TYW1B: variants seen among roughly 807,000 people sequenced by gnomAD.
TYW1B encodes tRNA-yW synthesizing protein 1 homolog B.
TYW1B carries 73 observed loss-of-function variants against 86.9 expected under a neutral mutation model. That is an observed-to-expected ratio of 0.84 (90% confidence interval 0.70 to 1.02). The LOEUF (loss-of-function observed/expected upper bound fraction) is 1.02. Ranked by LOEUF, TYW1B falls within the 50% of genes least tolerant of loss-of-function variation. TYW1B has a pLI of 0.00. For missense variants in TYW1B, 637 were observed against 827.4 expected, an observed-to-expected ratio of 0.77 and a Z score of 2.82; for synonymous variants, 248 against 292.8, an observed-to-expected ratio of 0.85 and a Z score of 1.56.
At chr7:72,827,961 AAC>A in intron 1 of TYW1B, 109 bp downstream of exon 1, 10 of 1,566,428 alleles carry the variant, frequency 6.4e-6, no homozygotes, top group Non-Finnish European at 8.7e-6. Flanking sequence ...TGTCAAGTGC[AAC>A]AGTCTCCGAA....
rs193265780 is a variant in TYW1B, at chr7:72,749,871, G to A, written c.965-5270C>T. 7.4e-3 allele frequency among the ~76,000 whole-genome samples: 1,019 copies of A among 138,562 alleles called. 16 individuals are homozygous for A. The highest frequency in any genetic ancestry group is 0.026 in the African/African-American group (990 of 37,910). The allele number at this position is 138,562 out of a possible 152,430, so 90.9% of individuals were successfully genotyped here. On this transcript the variant is annotated intron_variant, in intron 7 of 13. Coordinates refer to ENST00000620995, the MANE Select transcript of TYW1B (RefSeq NM_001145440.3). ...TGCTTGAGCTGCATCCTACAGATACGTTTAATTCTCATTTTCATTAATTCT... is the reference window on the plus strand; with the variant it reads ...TGCTTGAGCTGCATCCTACAGATACATTTAATTCTCATTTTCATTAATTCT...
chr7:72,787,663 C>T (rs1356185901), intron 6 of TYW1B, among the ~76,000 whole-genome samples: 6 of 151,570 alleles, frequency 4.0e-5, no homozygotes, highest in Non-Finnish European at 5.9e-5. Context: ...CCCAGCTACT[C>T]GGGAGGCTGA....
Position 72,828,080 on chromosome 7 carries a change from C to T in TYW1B, c.-5G>A. The stretch of plus-strand genomic sequence containing the variant: ...CCGCCGAGTGCCCTTACCCATCCTC[C>T]TCAGAGCCGACAGGAGACTAGGATC... On this transcript the variant is annotated 5_prime_UTR_variant, in exon 1 of 14. Coordinates refer to ENST00000620995, the MANE Select transcript of TYW1B (RefSeq NM_001145440.3). 6.2e-7 allele frequency: 1 copy of T among 1,613,992 alleles called. No individual in the cohort carries two copies. The highest frequency in any genetic ancestry group is 8.5e-7 in the Non-Finnish European group (1 of 1,179,932).
At chr7:72,731,360 C>T (rs1483926052) in intron 8 of TYW1B, among the ~76,000 whole-genome samples, 9 of 61,298 alleles carry the variant, frequency 1.5e-4, no homozygotes, top group African/African-American at 5.1e-4. Context: ...AAAAAGTATT[C>T]AAATGTTACC....
At chr7:72,710,471 C>T (rs1178752415) in intron 10 of TYW1B, among the ~76,000 whole-genome samples, 1 of 152,188 alleles carries the variant, frequency 6.6e-6, no homozygotes, top group Non-Finnish European at 1.5e-5. Context: ...TGACAATACA[C>T]TGATTTTCAT....
intron 13 of TYW1B, among the ~76,000 whole-genome samples, chr7:72,610,205 G>A (rs1554435674): frequency 6.6e-6 from 1 of 152,046 alleles, no homozygotes; most frequent in Admixed American, 6.6e-5. Context: ...TCCACGTTAG[G>A]GTATATCTGG....
rs186642537 is a variant in TYW1B at position 72,684,987 on chromosome 7, C to T, written c.1506+9700G>A. On this transcript the variant is annotated intron_variant, in intron 11 of 13. Coordinates refer to ENST00000620995, the MANE Select transcript of TYW1B (RefSeq NM_001145440.3). ...ATTAGCCAAGTGTAATGGCGAGTGCCTGTAATCCCTGCTACTTGGGAGGCT... is the reference window on the plus strand; with the variant it reads ...ATTAGCCAAGTGTAATGGCGAGTGCTTGTAATCCCTGCTACTTGGGAGGCT... Among the ~76,000 whole-genome samples the T allele has an allele frequency of 7.6e-4, 116 of 152,032 alleles. 1 individual carries two copies. The highest frequency in any genetic ancestry group is 2.5e-3 in the African/African-American group (105 of 41,476).
intron 13 of TYW1B, among the ~76,000 whole-genome samples, chr7:72,614,177 A>G (rs1188265867): frequency 3.9e-5 from 6 of 152,166 alleles, no homozygotes; most frequent in African/African-American, 1.4e-4. Context: ...ATTTGAAATA[A>G]TTTCCAAATT....
In TYW1B at chr7:72,713,483, T is replaced by C. The variant is rs1585923003; in HGVS notation, c.1370+138A>G. ...GAACAGATTTTGAAGAGCAGGACCA[T>C]CTTCACCTCCCAAAGCCCAACATTT... On this transcript the variant is annotated intron_variant, in intron 10 of 13. Transcript: ENST00000620995. 38 of 852,932 alleles carry C rather than the reference T, an allele frequency of 4.5e-5. No homozygotes were observed. The East Asian group carries it at 1.0e-3, about 23-fold the overall frequency. The allele number at this position is 852,932 out of a possible 1,614,324, so 52.8% of individuals were successfully genotyped here. A position where few individuals can be genotyped will look rare whatever the true frequency, so the allele number is the denominator to read the frequency against.
chr7:72,756,536 A>G (rs1787592954), intron 7 of TYW1B, among the ~76,000 whole-genome samples: 1 of 152,036 alleles, frequency 6.6e-6, no homozygotes, highest in South Asian at 2.1e-4. Flanking sequence ...CACCCGGCCT[A>G]GTACCGTCAG....
chr7:72,820,424 G>C (rs1361239828), intron 2 of TYW1B, among the ~76,000 whole-genome samples: 2 of 152,206 alleles, frequency 1.3e-5, no homozygotes, highest in Admixed American at 6.5e-5. Flanking sequence ...CCTTAAGGAA[G>C]TGCTAACTAT....
chr7:72,745,888 GTA>G (rs1787386601), intron 7 of TYW1B, among the ~76,000 whole-genome samples: 1 of 141,638 alleles, frequency 7.1e-6, no homozygotes, highest in Non-Finnish European at 1.5e-5. Context: ...GTGTGTGTGT[GTA>G]GTCTCACTCT....
intron 7 of TYW1B, among the ~76,000 whole-genome samples, chr7:72,759,193 C>T (rs759469878): frequency 1.3e-5 from 2 of 152,094 alleles, no homozygotes; most frequent in African/African-American, 4.8e-5. Context: ...ATTAGCCAGG[C>T]GTGGTGGCAC....
chr7:72,703,854 CAAA>C (rs1200304670), intron 10 of TYW1B, among the ~76,000 whole-genome samples: 3 of 87,220 alleles, frequency 3.4e-5, no homozygotes, highest in Non-Finnish European at 2.4e-5. Context: ...GACCCTGTCT[CAAA>C]AAAAAAAAAA....
At chr7:72,716,241 T>C (rs1361859366) in intron 9 of TYW1B, among the ~76,000 whole-genome samples, 1 of 152,176 alleles carries the variant, frequency 6.6e-6, no homozygotes, top group Admixed American at 6.5e-5. Flanking sequence ...CCAGCCATTA[T>C]TGGCCATCTT....
chr7:72,602,720 C>T (rs1457973425), intron 13 of TYW1B, among the ~76,000 whole-genome samples: 1 of 152,166 alleles, frequency 6.6e-6, no homozygotes, highest in African/African-American at 2.4e-5. Flanking sequence ...ATTTGTATCG[C>T]TTTCACACTA....
At chr7:72,761,146 T>A (rs1388071151) in intron 7 of TYW1B, among the ~76,000 whole-genome samples, 1 of 152,168 alleles carries the variant, frequency 6.6e-6, no homozygotes, top group Non-Finnish European at 1.5e-5. Flanking sequence ...TTATGTTCAA[T>A]TAAATAATAA....
intron 13 of TYW1B, among the ~76,000 whole-genome samples, chr7:72,611,558 G>A (rs1563029432): frequency 6.6e-6 from 1 of 152,020 alleles, no homozygotes; most frequent in African/African-American, 2.4e-5. Flanking sequence ...TACCATTATT[G>A]TGAGGCCTCC....
chr7:72,760,620 T>A (rs1387379170), intron 7 of TYW1B, among the ~76,000 whole-genome samples: 1 of 152,230 alleles, frequency 6.6e-6, no homozygotes, highest in Non-Finnish European at 1.5e-5. Context: ...AGTGCTCACA[T>A]AAAATATATA....
Sources: gnomAD v4.1 joint callset for allele counts (sites outside exome capture counted in the v4.1 genomes callset) on GRCh38, gnomAD v4.1.1 for gene constraint, MANE v1.5 for transcripts, NCBI Gene and HGNC (gene_info 2026-07-23, HGNC 2026-07-21) for gene names.